ADIPOR2: variants seen among roughly 807,000 people sequenced by gnomAD.
The protein encoded by ADIPOR2 is adiponectin receptor protein 2.
A neutral mutation model predicts 40.9 loss-of-function variants in ADIPOR2; 18 were observed. That is an observed-to-expected ratio of 0.44 (90% CI 0.30 to 0.65). The LOEUF (loss-of-function observed/expected upper bound fraction) is 0.65. Among genes scored for constraint, ADIPOR2 ranks in the 30% least tolerant of loss-of-function variants. ADIPOR2 has a pLI of 0.09. For missense variants in ADIPOR2, 283 were observed against 479.2 expected, an observed-to-expected ratio of 0.59 and a Z score of 3.82; for synonymous variants, 165 against 166.4, an observed-to-expected ratio of 0.99 and a Z score of 0.06.
intron 1 of ADIPOR2, among the ~76,000 whole-genome samples, chr12:1,747,110 C>T (rs139142732): frequency 8.6e-4 from 128 of 148,304 alleles, no homozygotes; most frequent in South Asian, 2.3e-3. Context: ...ACTTTAACAC[C>T]GCTGTAAACC....
intron 1 of ADIPOR2, among the ~76,000 whole-genome samples, chr12:1,704,131 T>C (rs1207616304): frequency 1.5e-5 from 2 of 133,442 alleles, no homozygotes; most frequent in Non-Finnish European, 3.1e-5. Flanking sequence ...GTATACCCAA[T>C]AACCATATTA....
rs548166561 is a variant in ADIPOR2 at position 1,751,141 on chromosome 12, G to A, written c.-86-3117G>A. On this transcript the variant is annotated intron_variant, in intron 1 of 7. Transcript: ENST00000357103. ...TTCTCTAGTGTGTTCTAGTATTGGG[G>A]TGTTCTGTTTTGTTAAATTTATGGG... 3.3e-5 allele frequency among the ~76,000 whole-genome samples: 5 copies of A among 151,990 alleles called. No homozygotes were observed. The East Asian group carries it at 9.7e-4, about 29-fold the overall frequency.
At chr12:1,736,821 C>G (rs1430505622) in intron 1 of ADIPOR2, among the ~76,000 whole-genome samples, 1 of 152,214 alleles carries the variant, frequency 6.6e-6, no homozygotes, top group Non-Finnish European at 1.5e-5. Flanking sequence ...TGTCTTTGTT[C>G]TCATTGGTTT....
intron 1 of ADIPOR2, among the ~76,000 whole-genome samples, chr12:1,740,196 T>G (rs2094739634): frequency 6.6e-6 from 1 of 152,244 alleles, no homozygotes; most frequent in Admixed American, 6.5e-5. Context: ...ACTTTTCAGT[T>G]ATTTCTGCTG....
chr12:1,712,264 G>A (rs1392948156), intron 1 of ADIPOR2, among the ~76,000 whole-genome samples: 1 of 152,062 alleles, frequency 6.6e-6, no homozygotes, highest in African/African-American at 2.4e-5. Context: ...AAGTGGCAGG[G>A]TTGAGAGCCG....
At chr12:1,768,370 T>G (rs1307317171) in intron 2 of ADIPOR2, among the ~76,000 whole-genome samples, 1 of 152,214 alleles carries the variant, frequency 6.6e-6, no homozygotes, top group Non-Finnish European at 1.5e-5. Context: ...TTCCTTTATC[T>G]CATCTTTGCA....
At chr12:1,770,129 C>G (rs1184136278) in intron 2 of ADIPOR2, among the ~76,000 whole-genome samples, 1 of 151,830 alleles carries the variant, frequency 6.6e-6, no homozygotes, top group Non-Finnish European at 1.5e-5. Context: ...ACCATGTTGC[C>G]CAGGCTGGTC....
intron 2 of ADIPOR2, among the ~76,000 whole-genome samples, chr12:1,771,190 C>T (rs12303326): frequency 0.012 from 1,859 of 152,188 alleles, 47 homozygotes; most frequent in African/African-American, 0.043. Context: ...CACAGTGGTG[C>T]ATACCTGTAG....
chr12:1,696,244 C>A, intron 1 of ADIPOR2: 1 of 153,374 alleles, frequency 6.5e-6, no homozygotes, highest in African/African-American at 2.4e-5. Flanking sequence ...TTCACTCCTC[C>A]ATGGGTGCTG....
intron 1 of ADIPOR2, among the ~76,000 whole-genome samples, chr12:1,698,548 A>T (rs1201426609): frequency 1.3e-5 from 2 of 152,050 alleles, no homozygotes; most frequent in Non-Finnish European, 2.9e-5. Flanking sequence ...TAAAATTAAT[A>T]TTTGTGGCTT....
At chr12:1,714,010 A>T (rs113092417) in intron 1 of ADIPOR2, among the ~76,000 whole-genome samples, 3,592 of 152,186 alleles carry the variant, frequency 0.024, 156 homozygotes, top group African/African-American at 0.081. Flanking sequence ...GGGCACCCTC[A>T]GTCCTGTTGG....
At chr12:1,728,304 G>A (rs540192723) in intron 1 of ADIPOR2, among the ~76,000 whole-genome samples, 131 of 151,544 alleles carry the variant, frequency 8.6e-4, no homozygotes, top group Non-Finnish European at 1.5e-3. Flanking sequence ...GTAGAGATGG[G>A]GTTTCACCAT....
chr12:1,757,486 G>C (rs1334096865), intron 2 of ADIPOR2: 2 of 740,462 alleles, frequency 2.7e-6, no homozygotes, highest in African/African-American at 1.7e-5. Context: ...ACCATGCATA[G>C]GTTACCATTG....
At chr12:1,756,052 T>C (rs1392404301) in intron 2 of ADIPOR2, among the ~76,000 whole-genome samples, 1 of 152,100 alleles carries the variant, frequency 6.6e-6, no homozygotes, top group Non-Finnish European at 1.5e-5. Flanking sequence ...AAGGTGGGAA[T>C]ATGCTTATCT....
chr12:1,759,914 A>C (rs138341065), intron 2 of ADIPOR2, among the ~76,000 whole-genome samples: 138 of 152,176 alleles, frequency 9.1e-4, no homozygotes, highest in Middle Eastern at 3.4e-3. Context: ...AATCCCGGCT[A>C]CTTTGGGAGG....
intron 1 of ADIPOR2, among the ~76,000 whole-genome samples, chr12:1,717,435 G>A (rs112157134): frequency 0.014 from 2,107 of 152,232 alleles, 47 homozygotes; most frequent in African/African-American, 0.049. Context: ...CACCGGGCAC[G>A]GAGGCTCACA....
chr12:1,748,853 A>G (rs2094762771), intron 1 of ADIPOR2, among the ~76,000 whole-genome samples: 1 of 151,996 alleles, frequency 6.6e-6, no homozygotes. Context: ...ACCAAGCAGC[A>G]GACAGCAGCC....
chr12:1,694,982 T>C (rs2094635032), intron 1 of ADIPOR2, among the ~76,000 whole-genome samples: 1 of 151,788 alleles, frequency 6.6e-6, no homozygotes, highest in Non-Finnish European at 1.5e-5. Flanking sequence ...TGGTCTATAG[T>C]TTACATAGGG....
intron 1 of ADIPOR2, among the ~76,000 whole-genome samples, chr12:1,723,640 A>AAAAAC (rs143381580): frequency 8.5e-4 from 129 of 151,668 alleles, no homozygotes; most frequent in South Asian, 7.9e-3. Context: ...ACTCCATCTC[A>AAAAAC]AAAACAAAAC....
Sources: gnomAD v4.1 joint callset for allele counts (sites outside exome capture counted in the v4.1 genomes callset) on GRCh38, gnomAD v4.1.1 for gene constraint, MANE v1.5 for transcripts, NCBI Gene and HGNC (gene_info 2026-07-23, HGNC 2026-07-21) for gene names.